Variants in AGMO observed in about 807,000 individuals in gnomAD.
The protein encoded by AGMO is glyceryl-ether monooxygenase.
AGMO carries 75 observed loss-of-function variants against 60.2 expected under a neutral mutation model. That is an observed-to-expected ratio of 1.25 (90% CI 1.03 to 1.51). The LOEUF (loss-of-function observed/expected upper bound fraction) is 1.51, where lower values mean the gene tolerates loss of function less well. Among genes scored for constraint, AGMO ranks in the 40% most tolerant of loss-of-function variants. AGMO has a pLI of 0.00. For missense variants in AGMO, 763 were observed against 525.5 expected (o/e 1.45, Z -4.42); for synonymous variants, 261 against 177.1 (o/e 1.47, Z -3.76).
chr7:15,356,636 G>T (rs1490686386), intron 12 of AGMO, among the ~76,000 whole-genome samples: 7 of 151,920 alleles, frequency 4.6e-5, no homozygotes, highest in Admixed American at 3.3e-4. Flanking sequence ...AGATAATACA[G>T]TGTTATTAAT....
chr7:15,230,237 G>A (rs1782219438), intron 12 of AGMO, among the ~76,000 whole-genome samples: 1 of 152,134 alleles, frequency 6.6e-6, no homozygotes, highest in African/African-American at 2.4e-5. Flanking sequence ...GACAGAAATG[G>A]AGGAAACCAG....
chr7:15,410,914 T>C (rs141048152), intron 5 of AGMO, among the ~76,000 whole-genome samples: 1 of 151,956 alleles, frequency 6.6e-6, no homozygotes, highest in Non-Finnish European at 1.5e-5. Context: ...TTTTTAATCC[T>C]CACAACAATG....
At chr7:15,149,047 T>C in the AGMO span, among the ~76,000 whole-genome samples, 2 of 152,234 alleles carry the variant, frequency 1.3e-5, no homozygotes, top group African/African-American at 4.8e-5. Context: ...ATTGTGATTT[T>C]GATTTGCATT....
At chr7:15,348,397 G>A (rs1299011935) in intron 12 of AGMO, among the ~76,000 whole-genome samples, 1 of 151,748 alleles carries the variant, frequency 6.6e-6, no homozygotes, top group East Asian at 1.9e-4. Flanking sequence ...GCATCAATAG[G>A]AAAAAAGAAG....
At chr7:15,420,886 C>T (rs1780904892) in intron 4 of AGMO, among the ~76,000 whole-genome samples, 1 of 152,100 alleles carries the variant, frequency 6.6e-6, no homozygotes, top group Non-Finnish European at 1.5e-5. Flanking sequence ...ACTGTCTACC[C>T]TAGGTCATTT....
chr7:15,499,110 T>C (rs115305017), intron 3 of AGMO, among the ~76,000 whole-genome samples: 1,957 of 151,982 alleles, frequency 0.013, 34 homozygotes, highest in African/African-American at 0.046. Flanking sequence ...AAGATCATTG[T>C]GAAGTGAACA....
chr7:15,167,630 T>C, the AGMO span, among the ~76,000 whole-genome samples: 1 of 152,188 alleles, frequency 6.6e-6, no homozygotes, highest in Non-Finnish European at 1.5e-5. Flanking sequence ...AGTTCGCACC[T>C]ATCTAAGATT....
At chr7:15,421,276 G>T (rs1398184162) in intron 4 of AGMO, among the ~76,000 whole-genome samples, 1 of 152,020 alleles carries the variant, frequency 6.6e-6, no homozygotes, top group Non-Finnish European at 1.5e-5. Context: ...TTTTTCTCAA[G>T]AAACAATTGA....
At chr7:15,392,323 C>G (rs55646427) in intron 6 of AGMO, among the ~76,000 whole-genome samples, 55,162 of 151,426 alleles carry the variant, frequency 0.36, 10,618 homozygotes, top group African/African-American at 0.49. Context: ...ATCCGCGATC[C>G]GCCTCCCAAA....
At chr7:15,154,884 T>C in the AGMO span, among the ~76,000 whole-genome samples, 1 of 152,178 alleles carries the variant, frequency 6.6e-6, no homozygotes, top group South Asian at 2.1e-4. Flanking sequence ...ATGAAATTCT[T>C]GGTTGGAATT....
At chr7:15,446,199 G>C (rs142534626) in intron 3 of AGMO, among the ~76,000 whole-genome samples, 173 of 152,266 alleles carry the variant, frequency 1.1e-3, no homozygotes, top group African/African-American at 4.0e-3. Flanking sequence ...TGATCTCTGA[G>C]CTTTGCAGTG....
intron 3 of AGMO, among the ~76,000 whole-genome samples, chr7:15,454,378 CAA>C (rs1221923346): frequency 1.7e-5 from 1 of 57,438 alleles, no homozygotes; most frequent in African/African-American, 9.2e-5. Context: ...CACACACACA[CAA>C]ACACACAAAC....
intron 9 of AGMO, among the ~76,000 whole-genome samples, chr7:15,386,594 ATG>A (rs1360917279): frequency 5.3e-5 from 8 of 152,220 alleles, no homozygotes; most frequent in African/African-American, 1.7e-4. Context: ...GAATGAGAAA[ATG>A]TCATTATTTA....
At chr7:15,347,206 G>A (rs1368032581) in intron 12 of AGMO, among the ~76,000 whole-genome samples, 1 of 151,856 alleles carries the variant, frequency 6.6e-6, no homozygotes, top group Non-Finnish European at 1.5e-5. Flanking sequence ...TTGTATGCAC[G>A]TACAACCGTA....
rs1009469720 is a variant in AGMO, at chr7:15,451,424, A to G, written c.410-20316T>C. ...GCTATAACAAAATACTTTAAACTGG[A>G]TAATTTATAAACAATGGAAATGTAT... is the stretch of plus-strand genomic sequence containing the variant. On this transcript the variant is annotated intron_variant, in intron 3 of 12. Transcript: ENST00000342526. 7.2e-5 allele frequency among the ~76,000 whole-genome samples: 11 copies of G among 152,264 alleles called. No individual in the cohort carries two copies. In the South Asian group the frequency reaches 8.3e-4, roughly 11 times the overall value.
intron 12 of AGMO, among the ~76,000 whole-genome samples, chr7:15,259,039 A>C (rs1287587792): frequency 6.6e-6 from 1 of 152,158 alleles, no homozygotes; most frequent in Non-Finnish European, 1.5e-5. Context: ...GCTCACCAGA[A>C]ATGAATCCAA....
intron 12 of AGMO, among the ~76,000 whole-genome samples, chr7:15,248,205 T>TATATATATATATATATATATAC (rs1782816890): frequency 1.0e-5 from 1 of 96,736 alleles, no homozygotes; most frequent in South Asian, 3.2e-4. Context: ...TATATATATA[T>TATATATATATATATATATATAC]ATATATATAT....
At chr7:15,155,603 G>C in the AGMO span, among the ~76,000 whole-genome samples, 3 of 151,294 alleles carry the variant, frequency 2.0e-5, no homozygotes, top group East Asian at 5.8e-4. Flanking sequence ...GAGCTTCTTT[G>C]GCATCCAGAT....
intron 3 of AGMO, among the ~76,000 whole-genome samples, chr7:15,470,822 T>TA (rs780666432): frequency 6.6e-6 from 1 of 152,020 alleles, no homozygotes; most frequent in Non-Finnish European, 1.5e-5. Context: ...CATAAATACT[T>TA]ACTTCAAATG....
Sources: gnomAD v4.1 joint callset for allele counts (sites outside exome capture counted in the v4.1 genomes callset) on GRCh38, gnomAD v4.1.1 for gene constraint, MANE v1.5 for transcripts, NCBI Gene and HGNC (gene_info 2026-07-23, HGNC 2026-07-21) for gene names.